The following SHROOM2 variants were observed in gnomAD, a reference collection of about 807,000 sequenced individuals.
SHROOM2 encodes shroom family member 2.
Under a neutral mutation model 75.9 loss-of-function variants are expected in SHROOM2, and 33 were observed. The ratio of observed to expected loss-of-function variants is 0.43; its 90% CI spans 0.33 to 0.58. The LOEUF is 0.58. SHROOM2 is among the 20% of genes least tolerant of loss of function. The pLI is 0.04. For synonymous variants in SHROOM2, 655 were observed against 663.6 expected, an observed-to-expected ratio of 0.99 and a Z score of 0.20; for missense variants, 1,434 against 1,461.2, an observed-to-expected ratio of 0.98 and a Z score of 0.30.
chrX:9,919,277 G>A (rs1268013183), intron 5 of SHROOM2, among the ~76,000 whole-genome samples: 2 of 105,521 alleles, frequency 1.9e-5, no homozygotes, highest in Non-Finnish European at 3.9e-5. Flanking sequence ...GAGAAGAAAG[G>A]CATATCTGTG....
intron 5 of SHROOM2, among the ~76,000 whole-genome samples, chrX:9,898,694 G>A (rs767452359): frequency 6.2e-5 from 7 of 112,290 alleles, no homozygotes; most frequent in South Asian, 7.3e-4. Context: ...GTGCCTAGCC[G>A]CGGCCTGGAA....
chrX:9,792,096 GAAT>G (rs2083661294), intron 1 of SHROOM2, among the ~76,000 whole-genome samples: 1 of 15,515 alleles, frequency 6.4e-5, no homozygotes, highest in African/African-American at 1.8e-4. Context: ...GAATAGAATA[GAAT>G]AGAATAGAAT....
rs780523394 is a variant in SHROOM2 at position 9,895,042 on chromosome X, C to T, written c.1134C>T (p.Leu378=). 7.3e-5 allele frequency: 88 copies of T among 1,206,264 alleles called. No individual in the cohort carries two copies. Among genetic ancestry groups the T allele is most frequent in the Non-Finnish European group, 9.3e-5 (83 of 893,339 alleles). ...RPWRSAHPGS[L]GKGSGGPGCP... ...GGAGGTCAGCACACCCGGGGAGCCT[C>T]GGGAAGGGATCGGGAGGCCCGGGCT... Residue 378 remains leucine, a synonymous_variant, in exon 4 of 10, where the codon CTC becomes CTT. Coordinates refer to ENST00000380913, the MANE Select transcript of SHROOM2 (RefSeq NM_001649.4).
rs1164347135 is a variant in SHROOM2, at chrX:9,932,714, C to T, written c.3431C>T (p.Ser1144Leu). The change falls in exon 6 of 10, where the codon TCA becomes TTA. Residue 1144 changes from serine to leucine, a missense_variant. By Grantham distance (145) the Ser-to-Leu change is moderately radical. Around this residue, in one of 3 missense-constraint regions of SHROOM2, gnomAD observed 1,340 missense variants for 1,338.3 expected, o/e 1.00. Transcript: ENST00000380913. ...AGCCAGCATGTGAGCGGGGACGCAT[C>T]ACGTCCTCTGCCAGAAGCACTGCTC... is the stretch of plus-strand genomic sequence containing the variant. ...RGSQHVSGDA[S>L]RPLPEALLPP... is the part of the protein sequence containing the mutation. The T allele has an allele frequency of 8.3e-7, 1 of 1,211,493 alleles. No individual in the cohort carries two copies.
intron 2 of SHROOM2, among the ~76,000 whole-genome samples, chrX:9,887,974 G>A (rs2084269962): frequency 8.8e-6 from 1 of 113,297 alleles, no homozygotes; most frequent in Admixed American, 9.3e-5. Flanking sequence ...AATGACCAAG[G>A]AACTGAACTT....
Position 9,935,932 on chromosome X carries a change from T to C in SHROOM2, c.3588-1202T>C, listed in dbSNP as rs751999807. Among the ~76,000 whole-genome samples, 11 of 110,993 alleles carry C rather than the reference T, an allele frequency of 9.9e-5. 1 individual carries two copies. The South Asian group carries it at 3.4e-3, about 35-fold the overall frequency. On this transcript the variant is annotated intron_variant, in intron 6 of 9. Coordinates refer to ENST00000380913, the MANE Select transcript of SHROOM2 (RefSeq NM_001649.4). The stretch of plus-strand genomic sequence containing the variant: ...TCCAGTGCTCTGAAAAGCTCTTGGC[T>C]GAGATGGCCCTGGTCAGCATGGTCT...
intron 1 of SHROOM2, among the ~76,000 whole-genome samples, chrX:9,807,855 C>T (rs1322500602): frequency 8.9e-6 from 1 of 111,813 alleles, no homozygotes; most frequent in Non-Finnish European, 1.9e-5. Flanking sequence ...CTGCTGCTAA[C>T]TTGACTGCTT....
intron 4 of SHROOM2, among the ~76,000 whole-genome samples, chrX:9,897,680 C>CAAAAAAAAAAAAAAAAAAAA (rs56026461): frequency 3.3e-4 from 23 of 70,576 alleles, no homozygotes; most frequent in African/African-American, 1.4e-3. Context: ...GACCCTGTCT[C>CAAAAAAAAAAAAAAAAAAAA]AAAAAAAAAA....
chrX:9,792,159 T>C (rs113651860), intron 1 of SHROOM2, among the ~76,000 whole-genome samples: 2 of 7,413 alleles, frequency 2.7e-4, no homozygotes, highest in East Asian at 1.7e-3. Context: ...TAGAATAGAA[T>C]AATCACCAGT....
At chrX:9,809,073 C>A (rs190553818) in intron 1 of SHROOM2, among the ~76,000 whole-genome samples, 1 of 107,908 alleles carries the variant, frequency 9.3e-6, no homozygotes, top group Non-Finnish European at 1.9e-5. Context: ...ATCCCACCCC[C>A]ACACTGATCT....
At chrX:9,931,631 G>A (rs1166426984) in intron 5 of SHROOM2, among the ~76,000 whole-genome samples, 5 of 111,192 alleles carry the variant, frequency 4.5e-5, no homozygotes, top group East Asian at 5.7e-4. Flanking sequence ...GTGACAAAGC[G>A]AGACCCCAAC....
intron 1 of SHROOM2, among the ~76,000 whole-genome samples, chrX:9,834,863 A>G (rs1407433862): frequency 1.8e-5 from 2 of 110,892 alleles, no homozygotes; most frequent in Non-Finnish European, 3.8e-5. Context: ...TGCCTGCAGG[A>G]TCTGATTACT....
chrX:9,925,156 G>T (rs1191652144), intron 5 of SHROOM2, among the ~76,000 whole-genome samples: 1 of 112,021 alleles, frequency 8.9e-6, no homozygotes, highest in Non-Finnish European at 1.9e-5. Flanking sequence ...GTTGGCAAAA[G>T]AGCTTTCCAC....
At chrX:9,816,355 AAAG>A (rs1359409787) in intron 1 of SHROOM2, among the ~76,000 whole-genome samples, 2 of 112,455 alleles carry the variant, frequency 1.8e-5, no homozygotes, top group African/African-American at 3.2e-5. Flanking sequence ...TGATGAATCA[AAAG>A]AATAGGATTG....
chrX:9,838,606 CAA>C (rs1023483034), intron 1 of SHROOM2, among the ~76,000 whole-genome samples: 2 of 111,824 alleles, frequency 1.8e-5, no homozygotes, highest in African/African-American at 6.5e-5. Flanking sequence ...TGTTTCTTCT[CAA>C]AACTTTTACA....
intron 5 of SHROOM2, among the ~76,000 whole-genome samples, chrX:9,913,561 G>A (rs1309380434): frequency 8.9e-6 from 1 of 112,192 alleles, no homozygotes; most frequent in African/African-American, 3.2e-5. Flanking sequence ...GTGTGCAGAG[G>A]GTCGATGGCA....
intron 1 of SHROOM2, among the ~76,000 whole-genome samples, chrX:9,829,895 C>G (rs909322029): frequency 2.7e-5 from 3 of 111,879 alleles, no homozygotes; most frequent in Non-Finnish European, 3.8e-5. Flanking sequence ...CAATATTATT[C>G]AGGTTTCAGG....
intron 1 of SHROOM2, chrX:9,818,807 G>C: frequency 2.1e-6 from 1 of 482,681 alleles, no homozygotes; most frequent in East Asian, 3.5e-5. Context: ...ATGTTGGCCC[G>C]CTCCTCAACT....
chrX:9,927,355 C>CA (rs2084604435), intron 5 of SHROOM2, among the ~76,000 whole-genome samples: 1 of 33,888 alleles, frequency 3.0e-5, no homozygotes, highest in Non-Finnish European at 4.4e-5. Flanking sequence ...ATCTCTGTCT[C>CA]CAAAAAAAAA....
Sources: gnomAD v4.1 joint callset for allele counts (sites outside exome capture counted in the v4.1 genomes callset) on GRCh38, gnomAD v4.1.1 for gene constraint, gnomAD v4.1.1 regional missense constraint, MANE v1.5 for transcripts, NCBI Gene and HGNC (gene_info 2026-07-23, HGNC 2026-07-21) for gene names.